The following UGT1A5 variants were observed in gnomAD, a reference collection of about 807,000 sequenced individuals.
UGT1A5 encodes the protein UDP-glucuronosyltransferase 1A5.
In UGT1A5, 29 loss-of-function variants were observed where a neutral mutation model predicts 40.3. The ratio of observed to expected loss-of-function variants is 0.72; its 90% CI spans 0.54 to 0.98. UGT1A5 has a LOEUF of 0.98. UGT1A5 is among the 50% of genes least tolerant of loss of function. The pLI, the probability that UGT1A5 is intolerant of heterozygous loss-of-function variation, is 0.00. For synonymous variants in UGT1A5, 257 were observed against 262.5 expected, an observed-to-expected ratio of 0.98 and a Z score of 0.20; for missense variants, 678 against 677.9, an observed-to-expected ratio of 1.00 and a Z score of 0.00.
Position 233,730,113 on chromosome 2 carries a change from C to G in UGT1A5, c.867+16255C>G. 5 of 1,563,498 alleles carry G rather than the reference C, an allele frequency of 3.2e-6. No individual in the cohort carries two copies. The South Asian group carries it at 5.9e-5, about 18-fold the overall frequency. ...TTCCAAATATTTCATTTCTGCTTCT[C>G]CTTGTCATAATAGCCTTCAGTGAGA... is the stretch of plus-strand genomic sequence containing the variant. On this transcript the variant is annotated intron_variant, in intron 1 of 4. Coordinates refer to ENST00000373414, the MANE Select transcript of UGT1A5 (RefSeq NM_019078.2).
At chr2:233,746,276 T>A (rs1693346507) in intron 1 of UGT1A5, among the ~76,000 whole-genome samples, 1 of 151,642 alleles carries the variant, frequency 6.6e-6, no homozygotes, top group African/African-American at 2.4e-5. Flanking sequence ...GCTGTGGGGA[T>A]TCAAGGAAGG....
chr2:233,720,440 T>C (rs2076859739), intron 1 of UGT1A5, among the ~76,000 whole-genome samples: 1 of 152,036 alleles, frequency 6.6e-6, no homozygotes, highest in Non-Finnish European at 1.5e-5. Flanking sequence ...CGTGAATCTA[T>C]AAGCCCAGTG....
rs773383083 is a variant in UGT1A5, at chr2:233,761,070, G to A, written c.868-5964G>A. 1.4e-5 allele frequency: 23 copies of A among 1,614,070 alleles called. No individual in the cohort carries two copies. The East Asian group carries it at 4.5e-4, about 31-fold the overall frequency. On this transcript the variant is annotated intron_variant, in intron 1 of 4. Transcript: ENST00000373414. ...TCTGGCTGTTTAGAAGTGACTTTGT[G>A]AAGGATTACCCTAGGCCCATCATGC...
In UGT1A5 at chr2:233,760,224, G is replaced by C. The variant is rs873478; in HGVS notation, c.868-6810G>C. 2,101 of 1,586,308 alleles carry C rather than the reference G, an allele frequency of 1.3e-3. 36 individuals are homozygous for C. The East Asian group carries it at 0.037, about 28-fold the overall frequency. ...CAAACATTAACTTGGTGTATCGATT[G>C]GTTTTTGCCATATATATATATATAA... is the stretch of plus-strand genomic sequence containing the variant. On this transcript the variant is annotated intron_variant, in intron 1 of 4. Coordinates refer to ENST00000373414, the MANE Select transcript of UGT1A5 (RefSeq NM_019078.2).
intron 1 of UGT1A5, among the ~76,000 whole-genome samples, chr2:233,724,884 G>A (rs1223856006): frequency 8.2e-5 from 11 of 134,350 alleles, no homozygotes; most frequent in Admixed American, 1.5e-4. Context: ...CGGAGATCAC[G>A]CCACTGCACT....
chr2:233,772,189 A>G, intron 4 of UGT1A5, 73 bp from the exon 5 acceptor site: 1 of 1,597,464 alleles, frequency 6.3e-7, no homozygotes, highest in Non-Finnish European at 8.5e-7. Context: ...CTTCTTAAGC[A>G]GCCATGAGCA....
chr2:233,731,982 T>C (rs936253936), intron 1 of UGT1A5, among the ~76,000 whole-genome samples: 5 of 152,356 alleles, frequency 3.3e-5, no homozygotes, highest in Admixed American at 2.0e-4. Context: ...CCATTCTAAC[T>C]GGCGTGAGAT....
chr2:233,772,440 C>T lies in UGT1A5; in HGVS notation c.1486C>T (p.Leu496Phe). 3 of 1,614,194 alleles carry T rather than the reference C, an allele frequency of 1.9e-6. No individual in the cohort carries two copies. Among genetic ancestry groups the T allele is most frequent in the South Asian group, 2.2e-5 (2 of 91,088 alleles). ...CCATTCCTTGGACGTGATTGGTTTC[C>T]TCTTGGCCGTCGTGCTGACAGTGGC... ...QYHSLDVIGF[L>F]LAVVLTVAFI... is the part of the protein sequence containing the mutation. Residue 496 changes from leucine to phenylalanine, a missense_variant, in exon 5 of 5, where the codon CTC becomes TTC. Transcript: ENST00000373414.
Position 233,755,049 on chromosome 2 carries a change from T to TCCGC in UGT1A5, c.868-11982_868-11979dup, listed in dbSNP as rs1457280659. The TCCGC allele has an allele frequency of 3.8e-6, 5 of 1,330,832 alleles. No homozygotes were observed. In the South Asian group the frequency reaches 5.7e-5, roughly 15 times the overall value. The allele number at this position is 1,330,832 out of a possible 1,614,324, so 82.4% of individuals were successfully genotyped here. ...GGGCCTGCCGCCTGCGCAGCCGCCC[T>TCCGC]CCGCCCTCGCCTCGCCATAGCGGTC... On this transcript the variant is annotated intron_variant, in intron 1 of 4. Coordinates refer to ENST00000373414, the MANE Select transcript of UGT1A5 (RefSeq NM_019078.2).
At chr2:233,719,039 A>G in intron 1 of UGT1A5, 1 of 1,614,110 alleles carries the variant, frequency 6.2e-7, no homozygotes, top group Non-Finnish European at 8.5e-7. Context: ...AAGAAGAGAA[A>G]TTTTTCACCC....
At chr2:233,756,915 T>C (rs571435889) in intron 1 of UGT1A5, among the ~76,000 whole-genome samples, 1 of 152,112 alleles carries the variant, frequency 6.6e-6, no homozygotes, top group East Asian at 1.9e-4. Context: ...ACTTCTGAGT[T>C]TATATAACCT....
rs1380028747 is a variant in UGT1A5 at position 233,713,248 on chromosome 2, A to G, written c.257A>G (p.Gln86Arg). The G allele has an allele frequency of 6.2e-7, 1 of 1,614,142 alleles. No homozygotes were observed. Among genetic ancestry groups the G allele is most frequent in the Non-Finnish European group, 8.5e-7 (1 of 1,180,042 alleles). Residue 86 changes from glutamine (Q) to arginine (R), a missense_variant, in exon 1 of 5, where the codon CAG becomes CGG. Physicochemically the swap from Gln to Arg is conservative, Grantham distance 43. Transcript: ENST00000373414. ...ACAACGTATGCCATTTCATGGACCC[A>G]GGACGAATTTGATCGCCTTTTGCTG... is the stretch of plus-strand genomic sequence containing the variant. ...TLTTYAISWTQDEFDRLLLGH... is the reference protein window; with the variant it reads ...TLTTYAISWTRDEFDRLLLGH...
At chr2:233,749,821 C>T (rs1469380104) in intron 1 of UGT1A5, among the ~76,000 whole-genome samples, 1 of 151,926 alleles carries the variant, frequency 6.6e-6, no homozygotes, top group African/African-American at 2.4e-5. Context: ...TCCTCTTTCT[C>T]TCTTTCATGT....
At position 233,743,563 on chromosome 2, in the gene UGT1A5, C is replaced by T. The variant is rs546286371; in HGVS notation, c.868-23471C>T. 46 of 1,367,298 alleles carry T rather than the reference C, an allele frequency of 3.4e-5. 1 individual carries two copies. Among genetic ancestry groups the T allele is most frequent in the Admixed American group, 5.7e-5 (3 of 52,582 alleles). 84.7% of individuals were successfully genotyped at this position (1,367,298 alleles called of 1,614,324 possible). A position where few individuals can be genotyped will look rare whatever the true frequency, so the allele number is the denominator to read the frequency against. On this transcript the variant is annotated intron_variant, in intron 1 of 4. Transcript: ENST00000373414. The stretch of plus-strand genomic sequence containing the variant: ...CTGACCCCCCCAAAATATTCTCCAG[C>T]GGGTTTCCCAAGAGGTCAAAGGAGA...
rs779583012 is a variant in UGT1A5 at position 233,713,474 on chromosome 2, G to T, written c.483G>T (p.Leu161=). 2 of 1,614,060 alleles carry T rather than the reference G, an allele frequency of 1.2e-6. No homozygotes were observed. The highest frequency in any genetic ancestry group is 2.2e-5 in the South Asian group (2 of 91,082). ...CCTTTCACCTCTGCGCGGCGGTGCT[G>T]GCTAAGTACCTGTCGATTCCTGCTG... ...TDPFHLCAAV[L]AKYLSIPAVF... Residue 161 remains leucine, a synonymous_variant, in exon 1 of 5, where the codon CTG becomes CTT. Transcript: ENST00000373414.
Position 233,767,165 on chromosome 2 carries a change from A to G in UGT1A5, c.999A>G (p.Thr333=). 2.5e-6 allele frequency: 4 copies of G among 1,614,130 alleles called. No individual in the cohort carries two copies. Among genetic ancestry groups the G allele is most frequent in the Non-Finnish European group, 3.4e-6 (4 of 1,180,004 alleles). ...IADALGKIPQ[T]VLWRYTGTRP... is the part of the protein sequence containing the mutation. ...ATGCTTTGGGCAAAATCCCTCAGAC[A>G]GTAAGAAGATTCTATACCATGGCCT... The change falls in exon 2 of 5, where the codon ACA becomes ACG. Residue 333 remains threonine (T), a splice_region_variant and synonymous_variant. Transcript: ENST00000373414.
At chr2:233,763,919 C>T (rs748972276) in intron 1 of UGT1A5, among the ~76,000 whole-genome samples, 11 of 152,168 alleles carry the variant, frequency 7.2e-5, no homozygotes, top group African/African-American at 2.4e-4. Context: ...ACCAAGGCTT[C>T]GAGATGGCCA....
At chr2:233,717,439 G>T (rs542098595) in intron 1 of UGT1A5, among the ~76,000 whole-genome samples, 3 of 152,154 alleles carry the variant, frequency 2.0e-5, no homozygotes, top group African/African-American at 7.2e-5. Context: ...TCTGATGGAC[G>T]CATCCATTCA....
intron 1 of UGT1A5, among the ~76,000 whole-genome samples, chr2:233,766,000 G>A (rs1299002153): frequency 1.3e-5 from 2 of 152,106 alleles, no homozygotes; most frequent in African/African-American, 2.4e-5. Context: ...TCCAGTGGGC[G>A]TGGGTTATGG....
Sources: allele counts gnomAD v4.1 joint callset (sites outside exome capture counted in the v4.1 genomes callset), GRCh38; gene constraint gnomAD v4.1.1; transcripts MANE v1.5; gene names NCBI Gene and HGNC (gene_info 2026-07-23, HGNC 2026-07-21).